GPR39: variants seen among roughly 807,000 people sequenced by gnomAD.
The protein encoded by GPR39 is G protein-coupled receptor 39.
In GPR39, 23 loss-of-function variants were observed where a neutral mutation model predicts 18.4. The ratio of observed to expected loss-of-function variants is 1.25; its 90% confidence interval spans 0.90 to 1.77. The LOEUF (loss-of-function observed/expected upper bound fraction) is 1.77, where lower values mean the gene tolerates loss of function less well. Ranked by LOEUF, GPR39 falls within the 40% of genes most tolerant of loss-of-function variation. The pLI is 0.00. For synonymous variants in GPR39, 280 were observed against 257.9 expected (o/e 1.09, Z -0.82); for missense variants, 647 against 602.4 (o/e 1.07, Z -0.78).
chr2:132,498,244 A>G (rs1681685994), intron 1 of GPR39, among the ~76,000 whole-genome samples: 1 of 151,726 alleles, frequency 6.6e-6, no homozygotes, highest in Non-Finnish European at 1.5e-5. Context: ...GCTGCCCCCC[A>G]CCCTTTACCC....
At chr2:132,424,468 A>G (rs943533612) in intron 1 of GPR39, among the ~76,000 whole-genome samples, 1 of 152,204 alleles carries the variant, frequency 6.6e-6, no homozygotes, top group African/African-American at 2.4e-5. Context: ...TTGTGGATCC[A>G]TCCTGGGTCC....
intron 1 of GPR39, among the ~76,000 whole-genome samples, chr2:132,638,146 G>T (rs1681796810): frequency 6.6e-6 from 1 of 152,232 alleles, no homozygotes; most frequent in Non-Finnish European, 1.5e-5. Context: ...AGAAAGGATA[G>T]GAGAAGAAAG....
chr2:132,637,355 G>C (rs952738837), intron 1 of GPR39, among the ~76,000 whole-genome samples: 1 of 152,246 alleles, frequency 6.6e-6, no homozygotes. Context: ...TCTGGCTTCT[G>C]TGGCACATTT....
intron 1 of GPR39, among the ~76,000 whole-genome samples, chr2:132,488,349 C>T (rs1681385082): frequency 6.6e-6 from 1 of 151,990 alleles, no homozygotes; most frequent in Non-Finnish European, 1.5e-5. Flanking sequence ...CAAAAAGAGG[C>T]ATATTTAGGT....
intron 1 of GPR39, among the ~76,000 whole-genome samples, chr2:132,554,134 CA>C (rs1214079416): frequency 6.6e-6 from 1 of 152,116 alleles, no homozygotes; most frequent in Non-Finnish European, 1.5e-5. Context: ...CCTAATGATC[CA>C]AAGCAAGCTG....
At chr2:132,572,626 A>G (rs1680461418) in intron 1 of GPR39, among the ~76,000 whole-genome samples, 1 of 152,098 alleles carries the variant, frequency 6.6e-6, no homozygotes, top group Non-Finnish European at 1.5e-5. Flanking sequence ...ATAGGGGTTC[A>G]CATATGGCTG....
At chr2:132,600,396 A>G (rs2104840347) in intron 1 of GPR39, among the ~76,000 whole-genome samples, 1 of 152,342 alleles carries the variant, frequency 6.6e-6, no homozygotes, top group African/African-American at 2.4e-5. Context: ...GAAAATAAAG[A>G]TGAGAGCAGA....
At chr2:132,558,006 C>T (rs753399947) in intron 1 of GPR39, among the ~76,000 whole-genome samples, 1 of 151,622 alleles carries the variant, frequency 6.6e-6, no homozygotes, top group Non-Finnish European at 1.5e-5. Flanking sequence ...TGGGGGTGGT[C>T]CTGGGGCAGC....
chr2:132,646,548 TAAATAGACTTATTTACATTTTAAGTC>T lies in GPR39; in HGVS notation c.*944_*969del, dbSNP rs1682093721. On this transcript the variant is annotated 3_prime_UTR_variant, in exon 2 of 2. Coordinates refer to ENST00000329321, the MANE Select transcript of GPR39 (RefSeq NM_001508.3). ...TGAATACCTGTTAATAAAGAGCTGT[TAAATAGACTTATTTACATTTTAAGTC>T]AGAGTTCACACTGTGTACAAGACAC... The T allele has an allele frequency of 2.9e-6, 1 of 350,172 alleles. No individual in the cohort carries two copies. The highest frequency in any genetic ancestry group is 5.1e-6 in the Non-Finnish European group (1 of 196,102). 21.7% of individuals were successfully genotyped at this position (350,172 alleles called of 1,614,324 possible).
At chr2:132,455,336 A>G (rs531496159) in intron 1 of GPR39, among the ~76,000 whole-genome samples, 2 of 152,250 alleles carry the variant, frequency 1.3e-5, no homozygotes, top group Admixed American at 6.5e-5. Context: ...TAGCCCCTTT[A>G]TGATTTTTTA....
At position 132,493,238 on chromosome 2, in the gene GPR39, A is replaced by G. The variant is rs186987697; in HGVS notation, c.856+75340A>G. ...TGTACACCATATATACACCATATAT[A>G]TACACCATATATACACCATATATAT... On this transcript the variant is annotated intron_variant, in intron 1 of 1. Coordinates refer to ENST00000329321, the MANE Select transcript of GPR39 (RefSeq NM_001508.3). Among the ~76,000 whole-genome samples the G allele has an allele frequency of 8.7e-4, 125 of 142,954 alleles. 2 individuals are homozygous for G. The highest frequency in any genetic ancestry group is 2.7e-3 in the African/African-American group (100 of 37,250). The allele number at this position is 142,954 out of a possible 152,430, so 93.8% of individuals were successfully genotyped here. A position where few individuals can be genotyped will look rare whatever the true frequency, so the allele number is the denominator to read the frequency against.
At chr2:132,501,084 T>G (rs1679028773) in intron 1 of GPR39, among the ~76,000 whole-genome samples, 1 of 143,396 alleles carries the variant, frequency 7.0e-6, no homozygotes, top group Non-Finnish European at 1.5e-5. Context: ...GGTTTCAGTT[T>G]CATTTAGTTC....
intron 1 of GPR39, among the ~76,000 whole-genome samples, chr2:132,511,259 T>G (rs1257575199): frequency 6.6e-6 from 1 of 152,202 alleles, no homozygotes; most frequent in East Asian, 1.9e-4. Context: ...ACTTTGGAAT[T>G]TATTGCCAAC....
At chr2:132,554,680 G>A (rs1680113966) in intron 1 of GPR39, among the ~76,000 whole-genome samples, 2 of 152,096 alleles carry the variant, frequency 1.3e-5, no homozygotes, top group Admixed American at 1.3e-4. Flanking sequence ...ATTTGGAGAG[G>A]GGGCAGATTA....
chr2:132,460,325 G>A (rs1291372129), intron 1 of GPR39, among the ~76,000 whole-genome samples: 1 of 152,138 alleles, frequency 6.6e-6, no homozygotes, highest in Admixed American at 6.5e-5. Context: ...TCCACAGATG[G>A]ACAATTTCTT....
At chr2:132,554,571 C>A (rs1680109980) in intron 1 of GPR39, among the ~76,000 whole-genome samples, 1 of 152,188 alleles carries the variant, frequency 6.6e-6, no homozygotes, top group South Asian at 2.1e-4. Context: ...CACTGATGTG[C>A]AGCCCTGGGT....
intron 1 of GPR39, among the ~76,000 whole-genome samples, chr2:132,596,126 G>A (rs911715253): frequency 2.6e-5 from 4 of 152,120 alleles, no homozygotes; most frequent in East Asian, 1.9e-4. Context: ...GATTGCATGC[G>A]GAAGGAAAGA....
chr2:132,631,457 T>G (rs1681648397), intron 1 of GPR39, among the ~76,000 whole-genome samples: 1 of 152,198 alleles, frequency 6.6e-6, no homozygotes, highest in African/African-American at 2.4e-5. Context: ...CATTCTTGCC[T>G]CAAAACCCTA....
chr2:132,547,280 A>G (rs1208274957), intron 1 of GPR39, among the ~76,000 whole-genome samples: 5 of 152,208 alleles, frequency 3.3e-5, no homozygotes, highest in African/African-American at 1.2e-4. Flanking sequence ...TGGGTTCCAT[A>G]CATCCAGCAG....
Sources: gnomAD v4.1 joint callset for allele counts (sites outside exome capture counted in the v4.1 genomes callset) on GRCh38, gnomAD v4.1.1 for gene constraint, MANE v1.5 for transcripts, NCBI Gene and HGNC (gene_info 2026-07-23, HGNC 2026-07-21) for gene names.